The following ITGA8 variants were observed in gnomAD, a reference collection of about 807,000 sequenced individuals.
The protein encoded by ITGA8 is integrin alpha-8.
ITGA8 carries 91 observed loss-of-function variants against 142.3 expected under a neutral mutation model. The observed-to-expected ratio is 0.64, with a 90% CI of 0.54 to 0.76. The LOEUF (loss-of-function observed/expected upper bound fraction) is 0.76. Among genes scored for constraint, ITGA8 ranks in the 30% least tolerant of loss-of-function variants. The pLI, the probability that ITGA8 is intolerant of heterozygous loss-of-function variation, is 0.00. For synonymous variants in ITGA8, 505 were observed against 485.2 expected, an observed-to-expected ratio of 1.04 and a Z score of -0.54; for missense variants, 1,406 against 1,327.7, an observed-to-expected ratio of 1.06 and a Z score of -0.92.
intron 13 of ITGA8, among the ~76,000 whole-genome samples, chr10:15,622,602 CAAA>C (rs11341075): frequency 2.8e-5 from 3 of 106,808 alleles, no homozygotes; most frequent in African/African-American, 6.5e-5. Context: ...CAAAACAAAA[CAAA>C]AAAAAAACCA....
Position 15,606,388 on chromosome 10 carries a change from A to T in ITGA8, c.1799T>A (p.Ile600Asn), listed in dbSNP as rs1479078704. The change falls in exon 18 of 30, where the codon ATC becomes AAC. Residue 600 changes from isoleucine (I) to asparagine (N), a missense_variant. Transcript: ENST00000378076. ...CAAACTGTAATTCAAACTAATGTTG[A>T]TTGGAGATAATTTATCTCGGAATTC... ...ETEFRDKLSPINISLNYSLDE... is the reference protein window; with the variant it reads ...ETEFRDKLSPNNISLNYSLDE... 3.1e-6 allele frequency: 5 copies of T among 1,604,348 alleles called. No homozygotes were observed. Among genetic ancestry groups the T allele is most frequent in the Non-Finnish European group, 4.3e-6 (5 of 1,172,364 alleles).
At chr10:15,707,987 C>CACAT (rs1835292019) in intron 2 of ITGA8, among the ~76,000 whole-genome samples, 1 of 151,652 alleles carries the variant, frequency 6.6e-6, no homozygotes, top group African/African-American at 2.4e-5. Flanking sequence ...CACACACACA[C>CACAT]ACACACACAC....
chr10:15,579,847 C>T (rs1424232625), intron 23 of ITGA8, among the ~76,000 whole-genome samples: 1 of 151,498 alleles, frequency 6.6e-6, no homozygotes, highest in African/African-American at 2.4e-5. Context: ...AACAAAAAAA[C>T]CCAACTTATA....
intron 13 of ITGA8, 133 bp from the exon 14 acceptor site, chr10:15,616,692 C>A: frequency 1.3e-6 from 1 of 745,550 alleles, no homozygotes; most frequent in South Asian, 1.5e-5. Flanking sequence ...GAAGAGAAAT[C>A]ACACCTTTCT....
chr10:15,715,195 G>C (rs996893590), intron 2 of ITGA8, among the ~76,000 whole-genome samples: 2 of 152,062 alleles, frequency 1.3e-5, no homozygotes, highest in African/African-American at 4.8e-5. Flanking sequence ...GTGGGAGTCT[G>C]AGCAAACCAG....
chr10:15,592,425 C>T, intron 21 of ITGA8, 121 bp from the exon 22 acceptor site: 1 of 716,722 alleles, frequency 1.4e-6, no homozygotes, highest in East Asian at 2.7e-5. Context: ...TCTGCTTCTA[C>T]CCCAGGTGGC....
intron 28 of ITGA8, among the ~76,000 whole-genome samples, chr10:15,526,607 T>C (rs1050725634): frequency 2.0e-5 from 3 of 152,352 alleles, no homozygotes; most frequent in African/African-American, 7.2e-5. Context: ...AAGTTTCATG[T>C]TGAGTAACTG....
At chr10:15,629,662 C>A (rs191414870) in intron 13 of ITGA8, among the ~76,000 whole-genome samples, 30 of 152,180 alleles carry the variant, frequency 2.0e-4, no homozygotes, top group Admixed American at 1.8e-3. Context: ...CATGGTGGCT[C>A]ATGCCTGGAA....
chr10:15,573,398 T>C (rs1834223961), intron 24 of ITGA8, among the ~76,000 whole-genome samples: 1 of 150,052 alleles, frequency 6.7e-6, no homozygotes, highest in Non-Finnish European at 1.5e-5. Context: ...CACAGCTTTA[T>C]TAAATTATTT....
chr10:15,624,199 C>T (rs1030041186), intron 13 of ITGA8, among the ~76,000 whole-genome samples: 1 of 152,212 alleles, frequency 6.6e-6, no homozygotes, highest in African/African-American at 2.4e-5. Flanking sequence ...TTGAATCTCT[C>T]TAAAACCTTT....
intron 11 of ITGA8, among the ~76,000 whole-genome samples, chr10:15,652,635 G>A (rs1214459807): frequency 2.0e-5 from 3 of 152,116 alleles, no homozygotes. Flanking sequence ...TTGAATGACC[G>A]TCCTAATAGC....
At chr10:15,559,282 C>A (rs961952082) in intron 25 of ITGA8, among the ~76,000 whole-genome samples, 2 of 152,216 alleles carry the variant, frequency 1.3e-5, no homozygotes, top group African/African-American at 4.8e-5. Flanking sequence ...GCATGCTAAC[C>A]TGCTCTTCGT....
intron 27 of ITGA8, among the ~76,000 whole-genome samples, chr10:15,532,560 T>C: frequency 6.6e-6 from 1 of 152,008 alleles, no homozygotes; most frequent in East Asian, 1.9e-4. Flanking sequence ...GCTCTGTTTG[T>C]TTAATAGGGT....
intron 25 of ITGA8, among the ~76,000 whole-genome samples, chr10:15,571,907 G>A (rs138818302): frequency 2.4e-4 from 36 of 152,272 alleles, no homozygotes; most frequent in African/African-American, 7.9e-4. Context: ...GATGTGATAT[G>A]TCTATTTATG....
At chr10:15,571,731 T>A (rs1172916613) in intron 25 of ITGA8, among the ~76,000 whole-genome samples, 1 of 152,172 alleles carries the variant, frequency 6.6e-6, no homozygotes, top group East Asian at 1.9e-4. Flanking sequence ...AAGAATAGGG[T>A]CCAGAACATT....
At chr10:15,681,501 T>G (rs1353212599) in intron 4 of ITGA8, among the ~76,000 whole-genome samples, 1 of 152,240 alleles carries the variant, frequency 6.6e-6, no homozygotes, top group Non-Finnish European at 1.5e-5. Context: ...TAGCTTAAGA[T>G]GCAAATGTAC....
At chr10:15,617,523 C>A (rs974522725) in intron 13 of ITGA8, among the ~76,000 whole-genome samples, 1 of 152,104 alleles carries the variant, frequency 6.6e-6, no homozygotes, top group Non-Finnish European at 1.5e-5. Flanking sequence ...CTCAGCCTCC[C>A]AAGTAGCTGG....
chr10:15,678,049 A>C (rs1280056418), intron 5 of ITGA8, among the ~76,000 whole-genome samples: 1 of 152,092 alleles, frequency 6.6e-6, no homozygotes, highest in Non-Finnish European at 1.5e-5. Flanking sequence ...TTTTCCATAC[A>C]TCCCCAGTGC....
At chr10:15,681,244 C>G (rs1418384876) in intron 4 of ITGA8, among the ~76,000 whole-genome samples, 1 of 152,128 alleles carries the variant, frequency 6.6e-6, no homozygotes, top group African/African-American at 2.4e-5. Flanking sequence ...GGGATACTGA[C>G]CATATGCTCA....
Sources: allele counts gnomAD v4.1 joint callset (sites outside exome capture counted in the v4.1 genomes callset), GRCh38; gene constraint gnomAD v4.1.1; transcripts MANE v1.5; gene names NCBI Gene and HGNC (gene_info 2026-07-23, HGNC 2026-07-21).